The following CTSC variants were observed in gnomAD, a reference collection of about 807,000 sequenced individuals.
The protein encoded by CTSC is cathepsin C, also known as dipeptidyl peptidase 1.
A neutral mutation model predicts 40.9 loss-of-function variants in CTSC; 37 were observed. The ratio of observed to expected loss-of-function variants is 0.91; its 90% CI spans 0.70 to 1.19. The LOEUF is 1.19. Ranked by LOEUF, CTSC falls within the 50% of genes most tolerant of loss-of-function variation. The pLI, the probability that CTSC is intolerant of heterozygous loss-of-function variation, is 0.00. For synonymous variants in CTSC, 232 were observed against 207.4 expected (o/e 1.12, Z -1.02); for missense variants, 594 against 567.3 (o/e 1.05, Z -0.48).
intron 2 of CTSC, chr11:88,324,464 A>G: frequency 1.0e-6 from 1 of 980,204 alleles, no homozygotes; most frequent in Non-Finnish European, 1.2e-6. Context: ...AAAAAGATGT[A>G]TATGGCACCA....
chr11:88,320,284 C>T (rs1013878517), intron 2 of CTSC, among the ~76,000 whole-genome samples: 2 of 152,144 alleles, frequency 1.3e-5, no homozygotes, highest in African/African-American at 4.8e-5. Context: ...GCTGAAAGGA[C>T]ATTACATTAA....
At chr11:88,326,321 G>T (rs1166461551) in intron 2 of CTSC, 2 of 1,613,580 alleles carry the variant, frequency 1.2e-6, no homozygotes, top group Non-Finnish European at 1.7e-6. Context: ...GTAGCTGCTA[G>T]AGGCCTTTGC....
At chr11:88,303,091 TTC>T (rs1201586626) in intron 4 of CTSC, among the ~76,000 whole-genome samples, 2 of 152,238 alleles carry the variant, frequency 1.3e-5, no homozygotes, top group Admixed American at 1.3e-4. Context: ...TGGAAATAGT[TTC>T]TGTGGTTTCA....
intron 4 of CTSC, among the ~76,000 whole-genome samples, chr11:88,308,691 C>A (rs1047289547): frequency 6.6e-6 from 1 of 151,826 alleles, no homozygotes; most frequent in African/African-American, 2.4e-5. Context: ...ACCCCCACCC[C>A]TTCCCCCAAG....
intron 4 of CTSC, among the ~76,000 whole-genome samples, chr11:88,303,309 A>C (rs1373491043): frequency 6.6e-6 from 1 of 152,158 alleles, no homozygotes; most frequent in Non-Finnish European, 1.5e-5. Flanking sequence ...ATGGCATCAG[A>C]TCTCACAGGC....
At chr11:88,312,259 C>T (rs1467157242) in intron 3 of CTSC, 129 bp downstream of exon 3, 1 of 869,502 alleles carries the variant, frequency 1.2e-6, no homozygotes, top group Non-Finnish European at 1.8e-6. Flanking sequence ...TAAGGTTTTA[C>T]ATAGCATGCC....
At chr11:88,328,944 C>T (rs1227577579) in intron 2 of CTSC, among the ~76,000 whole-genome samples, 1 of 152,022 alleles carries the variant, frequency 6.6e-6, no homozygotes, top group South Asian at 2.1e-4. Flanking sequence ...TTTTTTTTAG[C>T]TTATAGTTCT....
chr11:88,307,523 C>T (rs944085358), intron 4 of CTSC, among the ~76,000 whole-genome samples: 4 of 150,244 alleles, frequency 2.7e-5, no homozygotes, highest in African/African-American at 9.8e-5. Context: ...AAAATGCCAC[C>T]TCTGGTTGAG....
chr11:88,304,138 A>G (rs946181483), intron 4 of CTSC, among the ~76,000 whole-genome samples: 5 of 152,198 alleles, frequency 3.3e-5, no homozygotes, highest in African/African-American at 1.2e-4. Flanking sequence ...ATTTCAGGGC[A>G]TATGATTTTA....
In CTSC at chr11:88,317,141, A is replaced by G. The variant is rs183234617; in HGVS notation, c.319-4587T>C. 5.4e-3 allele frequency among the ~76,000 whole-genome samples: 827 copies of G among 152,108 alleles called. 5 individuals carry two copies. Among genetic ancestry groups the G allele is most frequent in the South Asian group, 0.022 (108 of 4,816 alleles). On this transcript the variant is annotated intron_variant, in intron 2 of 6. Coordinates refer to ENST00000227266, the MANE Select transcript of CTSC (RefSeq NM_001814.6). ...GTCACCACGCCCGGCTAATTTTTGTATTTTTAGTAGAGACAGGGTTTCGCC... is the reference window on the plus strand; with the variant it reads ...GTCACCACGCCCGGCTAATTTTTGTGTTTTTAGTAGAGACAGGGTTTCGCC...
chr11:88,335,398 T>C (rs1162465869), intron 1 of CTSC, among the ~76,000 whole-genome samples: 3 of 152,122 alleles, frequency 2.0e-5, no homozygotes, highest in African/African-American at 7.2e-5. Flanking sequence ...AGTGAGACCC[T>C]GTCTCTACAA....
chr11:88,325,293 T>G, intron 2 of CTSC: 9 of 985,398 alleles, frequency 9.1e-6, no homozygotes, highest in Non-Finnish European at 1.1e-5. Flanking sequence ...AGTTTTGGTC[T>G]TCAATGAAAA....
intron 2 of CTSC, among the ~76,000 whole-genome samples, chr11:88,319,414 T>C (rs1937948098): frequency 6.6e-6 from 1 of 152,122 alleles, no homozygotes; most frequent in South Asian, 2.1e-4. Flanking sequence ...TTATTCTAAA[T>C]CCTTCTAAAG....
chr11:88,323,321 T>G (rs1010189965), intron 2 of CTSC: 1 of 152,156 alleles, frequency 6.6e-6, no homozygotes, highest in Non-Finnish European at 1.5e-5. Flanking sequence ...TCATACTGAA[T>G]GGGCAAAAGC....
At chr11:88,332,449 C>T (rs907126561) in intron 2 of CTSC, among the ~76,000 whole-genome samples, 1 of 152,278 alleles carries the variant, frequency 6.6e-6, no homozygotes, top group Admixed American at 6.5e-5. Context: ...TAATAAATGT[C>T]ACCCATCAAC....
intron 1 of CTSC, 133 bp downstream of exon 1, chr11:88,337,368 C>G: frequency 1.1e-6 from 1 of 911,280 alleles, no homozygotes; most frequent in Non-Finnish European, 1.7e-6. Context: ...CCCCAAGGGT[C>G]CCCGAATCCA....
intron 2 of CTSC, chr11:88,321,403 G>A (rs10830669): frequency 0.28 from 43,228 of 152,080 alleles, 7,412 homozygotes; most frequent in Non-Finnish European, 0.4. Context: ...GAATGCATTA[G>A]CTATTTTTTC....
chr11:88,309,258 C>G lies in CTSC; in HGVS notation c.546G>C (p.Gln182His). The G allele has an allele frequency of 1.9e-6, 3 of 1,613,772 alleles. No individual in the cohort carries two copies. The highest frequency in any genetic ancestry group is 2.5e-6 in the Non-Finnish European group (3 of 1,179,698). ...TGTATGTAGTTGCAGTCCAAGACTT[C>G]TGAATGGCATTGATAGCTTTCACAA... ...HNFVKAINAIQKSWTATTYME... is the reference protein window; with the variant it reads ...HNFVKAINAIHKSWTATTYME... Residue 182 changes from glutamine to histidine, a missense_variant, in exon 4 of 7, where the codon CAG becomes CAC. Physicochemically the swap from Gln to His is conservative, Grantham distance 24. Coordinates refer to ENST00000227266, the MANE Select transcript of CTSC (RefSeq NM_001814.6).
rs761252722 is a variant in CTSC at position 88,294,149 on chromosome 11, C to T, written c.1249G>A (p.Ala417Thr). The T allele has an allele frequency of 8.1e-6, 13 of 1,613,828 alleles. No homozygotes were observed. In the East Asian group the frequency reaches 2.5e-4, roughly 30 times the overall value. ...ACAATCCAGTAATCCATCCCAGAGG[C>T]TGAGTCAGTGCCATAGCCCACAAGC... ...VLLVGYGTDS[A>T]SGMDYWIVKN... The change falls in exon 7 of 7, where the codon GCC becomes ACC. Residue 417 changes from alanine to threonine, a missense_variant. Physicochemically the swap from Ala to Thr is moderately conservative, Grantham distance 58. Transcript: ENST00000227266.
Sources: allele counts gnomAD v4.1 joint callset (sites outside exome capture counted in the v4.1 genomes callset), GRCh38; gene constraint gnomAD v4.1.1; transcripts MANE v1.5; gene names NCBI Gene and HGNC (gene_info 2026-07-23, HGNC 2026-07-21).